ZBTB7C: variants seen among roughly 807,000 people sequenced by gnomAD.
The protein encoded by ZBTB7C is zinc finger and BTB domain containing 7C, also known as zinc finger and BTB domain-containing protein 7C.
A neutral mutation model predicts 25.7 loss-of-function variants in ZBTB7C; 8 were observed. That is an observed-to-expected ratio of 0.31 (90% CI 0.18 to 0.56). The LOEUF (loss-of-function observed/expected upper bound fraction) is 0.56, where lower values mean the gene tolerates loss of function less well. ZBTB7C is among the 20% of genes least tolerant of loss of function. The pLI is 0.91. For synonymous variants in ZBTB7C, 394 were observed against 369.0 expected (o/e 1.07, Z -0.78); for missense variants, 824 against 855.2 (o/e 0.96, Z 0.46).
rs1187488968 is a variant in ZBTB7C, at chr18:48,323,324, T to G, written c.-79+14850A>C. Among the ~76,000 whole-genome samples, 6 of 152,240 alleles carry G rather than the reference T, an allele frequency of 3.9e-5. No homozygotes were observed. In the East Asian group the frequency reaches 1.2e-3, roughly 29 times the overall value. On this transcript the variant is annotated intron_variant, in intron 2 of 4. Coordinates refer to ENST00000590800, the MANE Select transcript of ZBTB7C (RefSeq NM_001318841.2). ...CAATATTTGTACAGGGCTGGTACTA[T>G]GATAAGTGCCTTCTGCAGGTTTTCT...
chr18:48,374,266 A>G (rs2047463157), intron 1 of ZBTB7C: 1 of 152,264 alleles, frequency 6.6e-6, no homozygotes, highest in South Asian at 2.1e-4. Flanking sequence ...GTTTACGAAC[A>G]CACAAATAGA....
At chr18:48,135,522 G>A (rs955345853) in intron 3 of ZBTB7C, among the ~76,000 whole-genome samples, 3 of 152,168 alleles carry the variant, frequency 2.0e-5, no homozygotes, top group African/African-American at 7.2e-5. Context: ...GGCCTAATAT[G>A]AGTCTTTTTT....
chr18:48,247,861 G>A (rs182164468), intron 2 of ZBTB7C, among the ~76,000 whole-genome samples: 23 of 152,264 alleles, frequency 1.5e-4, no homozygotes, highest in Admixed American at 9.2e-4. Flanking sequence ...ACCCCCCTGC[G>A]AAGAGGTGCT....
chr18:48,190,550 G>A (rs2042168567), intron 2 of ZBTB7C, among the ~76,000 whole-genome samples: 1 of 152,148 alleles, frequency 6.6e-6, no homozygotes, highest in East Asian at 1.9e-4. Context: ...GAACTCAGGG[G>A]CCCTTTGCAA....
intron 3 of ZBTB7C, among the ~76,000 whole-genome samples, chr18:48,163,391 C>T (rs968226111): frequency 2.6e-5 from 4 of 152,154 alleles, no homozygotes; most frequent in African/African-American, 7.2e-5. Flanking sequence ...TGCTCTGATC[C>T]GTAGCAATGT....
intron 3 of ZBTB7C, among the ~76,000 whole-genome samples, chr18:48,043,361 A>G (rs961841444): frequency 6.6e-6 from 1 of 152,220 alleles, no homozygotes; most frequent in African/African-American, 2.4e-5. Flanking sequence ...GTGTATGGCT[A>G]AACATTGTGG....
intron 3 of ZBTB7C, among the ~76,000 whole-genome samples, chr18:48,079,838 CAT>C (rs1206905449): frequency 6.6e-6 from 1 of 152,214 alleles, no homozygotes; most frequent in Non-Finnish European, 1.5e-5. Flanking sequence ...GGAAGAGGGA[CAT>C]AGGTCCACTT....
At chr18:48,298,090 C>T (rs1457392222) in intron 2 of ZBTB7C, among the ~76,000 whole-genome samples, 1 of 152,020 alleles carries the variant, frequency 6.6e-6, no homozygotes, top group Non-Finnish European at 1.5e-5. Context: ...ACCAGCCTGG[C>T]CAGCATGGTG....
chr18:48,367,242 C>T lies in ZBTB7C; in HGVS notation c.-303-28844G>A, dbSNP rs868055801. 3.2e-3 allele frequency among the ~76,000 whole-genome samples: 402 copies of T among 126,746 alleles called. 2 individuals carry two copies. Among genetic ancestry groups the T allele is most frequent in the Non-Finnish European group, 5.1e-3 (304 of 59,032 alleles). The allele number at this position is 126,746 out of a possible 152,430, so 83.2% of individuals were successfully genotyped here. Reference sequence around the variant, plus strand: ...ACACACACACACACACATACATACACACACACACACATATATAGTATATAT... The same window carrying T: ...ACACACACACACACACATACATACATACACACACACATATATAGTATATAT... On this transcript the variant is annotated intron_variant, in intron 1 of 4. Coordinates refer to ENST00000590800, the MANE Select transcript of ZBTB7C (RefSeq NM_001318841.2).
At chr18:48,055,410 C>CA (rs57782791) in intron 3 of ZBTB7C, among the ~76,000 whole-genome samples, 6,104 of 72,092 alleles carry the variant, frequency 0.085, 278 homozygotes, top group African/African-American at 0.1. Context: ...ACTCAAGTCT[C>CA]AAAAAAAAAA....
intron 2 of ZBTB7C, among the ~76,000 whole-genome samples, chr18:48,268,179 T>A (rs933861023): frequency 6.6e-6 from 1 of 152,222 alleles, no homozygotes; most frequent in Non-Finnish European, 1.5e-5. Flanking sequence ...AGTTTCAAAG[T>A]CCAACGGCAC....
intron 2 of ZBTB7C, among the ~76,000 whole-genome samples, chr18:48,257,645 A>G (rs990828456): frequency 1.3e-5 from 2 of 152,214 alleles, no homozygotes; most frequent in Non-Finnish European, 2.9e-5. Flanking sequence ...CAAGATACAG[A>G]AATTGTAAAT....
rs7231151 is a variant in ZBTB7C, at chr18:48,029,458, T to C, written c.1662A>G (p.Thr554=). Residue 554 remains threonine (T), a synonymous_variant, in exon 5 of 5, where the codon ACA becomes ACG. Transcript: ENST00000590800. ...GCGCGCGCCCGAACAGCTTCATCTG[T>C]GTCTCCTCGAACTGCCGCTCCAGCT... is the stretch of plus-strand genomic sequence containing the variant. ...LQELERQFEE[T]QMKLFGRAQL... is the part of the protein sequence containing the mutation. 0.31 allele frequency: 487,858 copies of C among 1,595,514 alleles called. 77,881 individuals carry two copies. The highest frequency in any genetic ancestry group is 0.51 in the African/African-American group (37,577 of 73,736).
intron 3 of ZBTB7C, among the ~76,000 whole-genome samples, chr18:48,140,977 G>A (rs920873068): frequency 6.6e-6 from 1 of 151,986 alleles, no homozygotes; most frequent in Non-Finnish European, 1.5e-5. Context: ...CTGCTCCTTC[G>A]GCCCAACGCC....
At chr18:48,075,912 C>A (rs184052323) in intron 3 of ZBTB7C, among the ~76,000 whole-genome samples, 1 of 152,356 alleles carries the variant, frequency 6.6e-6, no homozygotes, top group East Asian at 1.9e-4. Context: ...TGCTCTCGGG[C>A]TGAACATATA....
At chr18:48,230,355 T>C (rs563111514) in intron 2 of ZBTB7C, among the ~76,000 whole-genome samples, 121 of 152,182 alleles carry the variant, frequency 8.0e-4, no homozygotes, top group African/African-American at 2.8e-3. Flanking sequence ...GGTTGGGAGC[T>C]GGAAGCAAGG....
At chr18:48,353,072 C>T (rs1053911076) in intron 1 of ZBTB7C, among the ~76,000 whole-genome samples, 6 of 152,186 alleles carry the variant, frequency 3.9e-5, no homozygotes, top group African/African-American at 1.4e-4. Context: ...ACTGTTGTAA[C>T]AATCATCATT....
intron 1 of ZBTB7C, among the ~76,000 whole-genome samples, chr18:48,369,547 G>A (rs1329606439): frequency 6.6e-6 from 1 of 151,934 alleles, no homozygotes; most frequent in East Asian, 1.9e-4. Flanking sequence ...CAAGTAAAAG[G>A]ATGAAGAAAA....
At chr18:48,333,914 C>T (rs182072379) in intron 2 of ZBTB7C, among the ~76,000 whole-genome samples, 4 of 152,328 alleles carry the variant, frequency 2.6e-5, no homozygotes, top group Admixed American at 2.6e-4. Context: ...TCCATTTATC[C>T]TGCAGACTTT....
Sources: allele counts gnomAD v4.1 joint callset (sites outside exome capture counted in the v4.1 genomes callset), GRCh38; gene constraint gnomAD v4.1.1; transcripts MANE v1.5; gene names NCBI Gene and HGNC (gene_info 2026-07-23, HGNC 2026-07-21).